The following TTC12 variants were observed in gnomAD, a reference collection of about 807,000 sequenced individuals.
TTC12 encodes the protein tetratricopeptide repeat protein 12.
Under a neutral mutation model 90.1 loss-of-function variants are expected in TTC12, and 70 were observed. The observed-to-expected ratio is 0.78, with a 90% CI of 0.64 to 0.95. TTC12 has a LOEUF of 0.95. TTC12 is among the 40% of genes least tolerant of loss of function. TTC12 has a pLI of 0.00. For synonymous variants in TTC12, 296 were observed against 311.5 expected (o/e 0.95, Z 0.53); for missense variants, 819 against 846.1 (o/e 0.97, Z 0.40).
intron 16 of TTC12, among the ~76,000 whole-genome samples, chr11:113,354,775 A>C (rs1296630808): frequency 1.3e-5 from 2 of 152,218 alleles, no homozygotes; most frequent in Non-Finnish European, 2.9e-5. Context: ...CTATTTGTGT[A>C]TGTTGAACCA....
intron 13 of TTC12, among the ~76,000 whole-genome samples, chr11:113,346,076 C>T (rs1948935808): frequency 6.6e-6 from 1 of 152,156 alleles, no homozygotes; most frequent in Non-Finnish European, 1.5e-5. Flanking sequence ...GCACATAGCC[C>T]CTTGACCGTC....
chr11:113,325,837 T>C, intron 6 of TTC12, 192 bp downstream of exon 6: 2 of 674,946 alleles, frequency 3.0e-6, no homozygotes, highest in Non-Finnish European at 4.8e-6. Flanking sequence ...CTCACCATGA[T>C]CTAATTTGGA....
intron 2 of TTC12, among the ~76,000 whole-genome samples, chr11:113,319,559 T>A (rs1555137307): frequency 6.6e-6 from 1 of 152,076 alleles, no homozygotes; most frequent in African/African-American, 2.4e-5. Flanking sequence ...AAATATTCTA[T>A]GCAGTAAATA....
intron 16 of TTC12, among the ~76,000 whole-genome samples, chr11:113,356,530 A>G (rs1336454316): frequency 2.0e-5 from 3 of 152,162 alleles, no homozygotes; most frequent in Non-Finnish European, 4.4e-5. Context: ...TGGTTGCTTT[A>G]TAGTAATGCT....
intron 18 of TTC12, 71 bp downstream of exon 18, chr11:113,360,079 A>C: frequency 2.0e-6 from 1 of 492,576 alleles, no homozygotes; most frequent in Non-Finnish European, 3.4e-6. Context: ...GTTTTGTTTT[A>C]TTATCAGTGT....
downstream of TTC12, chr11:113,368,428 C>A: frequency 6.5e-7 from 1 of 1,550,374 alleles, no homozygotes; most frequent in Non-Finnish European, 8.7e-7. Flanking sequence ...TTGCCAGGAG[C>A]CCCGACACCA....
intron 16 of TTC12, among the ~76,000 whole-genome samples, chr11:113,356,527 T>A (rs1555152511): frequency 6.6e-6 from 1 of 152,214 alleles, no homozygotes; most frequent in Non-Finnish European, 1.5e-5. Context: ...ATGTGGTTGC[T>A]TTATAGTAAT....
chr11:113,331,230 G>A (rs80090000), intron 7 of TTC12, among the ~76,000 whole-genome samples: 2,169 of 152,256 alleles, frequency 0.014, 50 homozygotes, highest in African/African-American at 0.046. Flanking sequence ...AGCTGATGAC[G>A]TCAAGCTCCT....
intron 6 of TTC12, among the ~76,000 whole-genome samples, chr11:113,327,886 A>C (rs576928800): frequency 3.3e-5 from 5 of 152,332 alleles, no homozygotes; most frequent in African/African-American, 1.2e-4. Flanking sequence ...AACATGAGTT[A>C]ATGAAAGCAC....
At chr11:113,325,264 T>G (rs1947614174) in intron 5 of TTC12, among the ~76,000 whole-genome samples, 1 of 152,148 alleles carries the variant, frequency 6.6e-6, no homozygotes, top group African/African-American at 2.4e-5. Flanking sequence ...TGTGGCAAGC[T>G]TAGTATGGTT....
At chr11:113,360,746 AG>A (rs1949882505) in intron 18 of TTC12, among the ~76,000 whole-genome samples, 1 of 152,196 alleles carries the variant, frequency 6.6e-6, no homozygotes, top group Non-Finnish European at 1.5e-5. Context: ...CAGCCTTTCA[AG>A]GGTTGCAGAC....
At chr11:113,351,385 A>G in intron 15 of TTC12, 86 bp downstream of exon 15, 7 of 1,084,494 alleles carry the variant, frequency 6.5e-6, no homozygotes, top group Non-Finnish European at 9.9e-6. Flanking sequence ...ACAATCCAGA[A>G]CAACTATTGT....
At chr11:113,341,992 G>A (rs1948713420) in intron 12 of TTC12, 67 bp downstream of exon 12, 1 of 1,377,772 alleles carries the variant, frequency 7.3e-7, no homozygotes, top group Non-Finnish European at 1.0e-6. Context: ...CTGTTGGGTG[G>A]ACTGTCCTCC....
chr11:113,327,108 A>G (rs1057277066), intron 6 of TTC12, among the ~76,000 whole-genome samples: 4 of 152,256 alleles, frequency 2.6e-5, no homozygotes, highest in Non-Finnish European at 5.9e-5. Flanking sequence ...AAAAAGTTAT[A>G]TAATTTCAGA....
intron 2 of TTC12, among the ~76,000 whole-genome samples, chr11:113,319,637 G>A (rs1947169462): frequency 6.6e-6 from 1 of 151,666 alleles, no homozygotes; most frequent in African/African-American, 2.4e-5. Context: ...AAGTTTACGT[G>A]GAAGAGCAAA....
intron 12 of TTC12, among the ~76,000 whole-genome samples, chr11:113,343,400 T>C (rs1948785067): frequency 6.6e-6 from 1 of 152,194 alleles, no homozygotes; most frequent in Non-Finnish European, 1.5e-5. Flanking sequence ...CAAGAGTAAT[T>C]ATAGGTGAAG....
intron 19 of TTC12, among the ~76,000 whole-genome samples, chr11:113,362,919 T>C (rs1205290625): frequency 6.6e-6 from 1 of 152,240 alleles, no homozygotes; most frequent in African/African-American, 2.4e-5. Context: ...ACATGTAGCC[T>C]GCAGAATTAC....
rs1555143632 is a variant in TTC12, at chr11:113,335,016, G to A, written c.555G>A (p.Leu185=). The part of the protein sequence containing the change: ...KAYFHMGKAN[L]ALKNYSVSRE... The stretch of plus-strand genomic sequence containing the variant: ...ATTTTCACATGGGAAAAGCCAACCT[G>A]GCCCTGAAGAACTACAGTGTGGTAA... The change falls in exon 8 of 22, where the codon CTG becomes CTA. Residue 185 remains leucine, a synonymous_variant. Transcript: ENST00000529221. The A allele has an allele frequency of 6.2e-7, 1 of 1,613,658 alleles. No homozygotes were observed. Among genetic ancestry groups the A allele is most frequent in the Admixed American group, 1.7e-5 (1 of 60,004 alleles).
At position 113,333,280 on chromosome 11, in the gene TTC12, C is replaced by G. The variant is rs150491514; in HGVS notation, c.505-1686C>G. On this transcript the variant is annotated intron_variant, in intron 7 of 21. Transcript: ENST00000529221. ...CCGTCCCCGGAGCCCCCTATACTCT[C>G]CTCACTCAGGTTCTTGCCCAGCCCA... 2.7e-4 allele frequency among the ~76,000 whole-genome samples: 41 copies of G among 152,246 alleles called. 1 individual carries two copies. Among genetic ancestry groups the G allele is most frequent in the Admixed American group, 2.7e-3 (41 of 15,300 alleles).
Sources: gnomAD v4.1 joint callset for allele counts (sites outside exome capture counted in the v4.1 genomes callset) on GRCh38, gnomAD v4.1.1 for gene constraint, MANE v1.5 for transcripts, NCBI Gene and HGNC (gene_info 2026-07-23, HGNC 2026-07-21) for gene names.